TENM2: variants seen among roughly 807,000 people sequenced by gnomAD.
The protein encoded by TENM2 is teneurin transmembrane protein 2, also known as teneurin-2.
Under a neutral mutation model 245.2 loss-of-function variants are expected in TENM2, and 52 were observed. That is an observed-to-expected ratio of 0.21 (90% CI 0.17 to 0.27). The LOEUF is 0.27. Ranked by LOEUF, TENM2 falls within the 10% of genes least tolerant of loss-of-function variation. TENM2 has a pLI of 1.00. For missense variants in TENM2, 3,046 were observed against 3,666.8 expected (o/e 0.83, Z 4.37); for synonymous variants, 1,363 against 1,438.9 (o/e 0.95, Z 1.19).
chr5:168,086,025 T>G (rs7704340), intron 7 of TENM2, among the ~76,000 whole-genome samples: 2,461 of 152,304 alleles, frequency 0.016, 72 homozygotes, highest in African/African-American at 0.056. Flanking sequence ...ATGTTCCAAA[T>G]AGCATGAAGT....
intron 2 of TENM2, among the ~76,000 whole-genome samples, chr5:167,437,849 G>C (rs561488093): frequency 7.2e-5 from 11 of 152,208 alleles, no homozygotes; most frequent in African/African-American, 2.4e-4. Context: ...CCATGATTGT[G>C]AGGCCTCCGC....
chr5:167,103,514 G>A, the TENM2 span, among the ~76,000 whole-genome samples: 1 of 152,160 alleles, frequency 6.6e-6, no homozygotes, highest in African/African-American at 2.4e-5. Context: ...AACCCTTTGG[G>A]TGCTATCCTG....
chr5:168,169,968 C>G (rs1308195903), intron 13 of TENM2, among the ~76,000 whole-genome samples: 1 of 152,212 alleles, frequency 6.6e-6, no homozygotes, highest in Non-Finnish European at 1.5e-5. Flanking sequence ...AGGAGGAAAA[C>G]TTGGCCTTGA....
At chr5:168,040,383 G>A (rs1452612412) in intron 5 of TENM2, among the ~76,000 whole-genome samples, 1 of 152,140 alleles carries the variant, frequency 6.6e-6, no homozygotes, top group Non-Finnish European at 1.5e-5. Flanking sequence ...TGAGCCATAA[G>A]CCTTGCAACC....
intron 4 of TENM2, among the ~76,000 whole-genome samples, chr5:167,973,292 A>T (rs1781936834): frequency 6.6e-6 from 1 of 152,158 alleles, no homozygotes; most frequent in Admixed American, 6.5e-5. Flanking sequence ...TAGTTACTTT[A>T]TCTGAAACTC....
the TENM2 span, among the ~76,000 whole-genome samples, chr5:167,149,468 A>C: frequency 6.6e-6 from 1 of 152,202 alleles, no homozygotes; most frequent in East Asian, 1.9e-4. Context: ...AATCTTGAAC[A>C]GATACACAGA....
At chr5:167,071,721 A>G in the TENM2 span, among the ~76,000 whole-genome samples, 4 of 152,122 alleles carry the variant, frequency 2.6e-5, no homozygotes, top group Admixed American at 2.0e-4. Flanking sequence ...TGAATTTTGT[A>G]TGGTAGGCAT....
chr5:167,574,834 A>T (rs984053060), intron 2 of TENM2, among the ~76,000 whole-genome samples: 1 of 152,162 alleles, frequency 6.6e-6, no homozygotes, highest in African/African-American at 2.4e-5. Flanking sequence ...CATTGTACGT[A>T]GCTTTTAGAA....
At chr5:168,077,037 G>A (rs939918152) in intron 7 of TENM2, among the ~76,000 whole-genome samples, 4 of 152,184 alleles carry the variant, frequency 2.6e-5, no homozygotes, top group Admixed American at 6.5e-5. Context: ...ACTGTTGGGT[G>A]AGCTATGTAA....
At position 168,019,209 on chromosome 5, in the gene TENM2, G is replaced by A. The variant is rs557034304; in HGVS notation, c.1186+26027G>A. Reference sequence around the variant, plus strand: ...AGGATCTAGGGTATTGATGGAAAAGGTATTGGGGAGAAGGACAGCATGACA... The same window carrying A: ...AGGATCTAGGGTATTGATGGAAAAGATATTGGGGAGAAGGACAGCATGACA... On this transcript the variant is annotated intron_variant, in intron 5 of 28. Coordinates refer to ENST00000518659, the Ensembl canonical transcript of TENM2. 3.9e-5 allele frequency among the ~76,000 whole-genome samples: 6 copies of A among 152,294 alleles called. No individual in the cohort carries two copies. The East Asian group carries it at 5.8e-4, about 15-fold the overall frequency.
rs758134233 is a variant in TENM2, at chr5:168,218,777, T to C, written c.4886T>C (p.Ile1629Thr). 5.0e-6 allele frequency: 8 copies of C among 1,613,822 alleles called. No individual in the cohort carries two copies. The highest frequency in any genetic ancestry group is 5.9e-6 in the Non-Finnish European group (7 of 1,179,882). ...ACTGACAATGATGTCACTGAATTGA[T>C]TGACAATAATGGGAATTCCCTGAAG... is the stretch of plus-strand genomic sequence containing the variant. Residue 1629 changes from isoleucine to threonine, a missense_variant, in exon 23 of 29, where the codon ATT becomes ACT. Physicochemically the swap from Ile to Thr is moderately conservative, Grantham distance 89 (BLOSUM62 -1). Coordinates refer to ENST00000518659, the Ensembl canonical transcript of TENM2. The surrounding 1 kb of genome is among the most constrained non-coding windows in gnomAD (Gnocchi z 5.2).
chr5:167,093,838 A>G, the TENM2 span, among the ~76,000 whole-genome samples: 2 of 152,212 alleles, frequency 1.3e-5, no homozygotes, highest in African/African-American at 4.8e-5. Context: ...GATGATTTTC[A>G]TAGTCCTTGG....
At chr5:167,100,911 A>G in the TENM2 span, among the ~76,000 whole-genome samples, 9 of 152,222 alleles carry the variant, frequency 5.9e-5, no homozygotes, top group African/African-American at 1.7e-4. Flanking sequence ...CATGAGTAGG[A>G]AAGGACTAAA....
the TENM2 span, among the ~76,000 whole-genome samples, chr5:167,004,797 T>A: frequency 6.6e-6 from 1 of 152,144 alleles, no homozygotes; most frequent in African/African-American, 2.4e-5. Context: ...TTATTGAATG[T>A]CAGAGAAGAG....
intron 2 of TENM2, among the ~76,000 whole-genome samples, chr5:167,638,633 G>A (rs1386672594): frequency 6.6e-6 from 1 of 152,204 alleles, no homozygotes; most frequent in Non-Finnish European, 1.5e-5. Context: ...CAAGCATATA[G>A]ATAGATTATT....
chr5:168,165,637 TCCCCCC>T (rs1299273232), intron 13 of TENM2, among the ~76,000 whole-genome samples: 1 of 22,568 alleles, frequency 4.4e-5, no homozygotes, highest in Non-Finnish European at 1.5e-4. Flanking sequence ...CAATTCAGGA[TCCCCCC>T]CCCAACCCCC....
chr5:167,708,639 G>A (rs10038079), intron 2 of TENM2, among the ~76,000 whole-genome samples: 8,808 of 152,112 alleles, frequency 0.058, 557 homozygotes, highest in East Asian at 0.25. Context: ...GGAGAGGGCA[G>A]CCACAAGGAG....
chr5:167,468,068 C>G (rs1259638863), intron 2 of TENM2, among the ~76,000 whole-genome samples: 2 of 152,152 alleles, frequency 1.3e-5, no homozygotes, highest in African/African-American at 2.4e-5. Flanking sequence ...TCCTGAGTAG[C>G]TGGGATTACA....
At chr5:167,898,880 G>C (rs1409827518) in intron 3 of TENM2, among the ~76,000 whole-genome samples, 2 of 152,170 alleles carry the variant, frequency 1.3e-5, no homozygotes, top group East Asian at 3.9e-4. Flanking sequence ...GAGGGAAGGA[G>C]ATCTTCGTTT....
Sources: gnomAD v4.1 joint callset for allele counts (sites outside exome capture counted in the v4.1 genomes callset) on GRCh38, gnomAD v4.1.1 for gene constraint, Gnocchi (gnomAD v3.1) non-coding constraint, MANE v1.5 for transcripts, NCBI Gene and HGNC (gene_info 2026-07-23, HGNC 2026-07-21) for gene names.